FAM107B: variants seen among roughly 807,000 people sequenced by gnomAD.
The protein encoded by FAM107B is protein FAM107B.
Under a neutral mutation model 31.5 loss-of-function variants are expected in FAM107B, and 21 were observed. That is an observed-to-expected ratio of 0.67 (90% CI 0.47 to 0.96). The LOEUF (loss-of-function observed/expected upper bound fraction) is 0.96, where lower values mean the gene tolerates loss of function less well. Among genes scored for constraint, FAM107B ranks in the 40% least tolerant of loss-of-function variants. The pLI is 0.00. For synonymous variants in FAM107B, 157 were observed against 141.5 expected (o/e 1.11, Z -0.78); for missense variants, 452 against 377.1 (o/e 1.20, Z -1.64).
At chr10:14,730,362 C>T (rs138229129) in intron 1 of FAM107B, among the ~76,000 whole-genome samples, 47 of 152,108 alleles carry the variant, frequency 3.1e-4, no homozygotes, top group Non-Finnish European at 4.3e-4. Flanking sequence ...TGCCCTGACC[C>T]GACTCTTGCC....
chr10:14,727,748 G>A (rs1317041119), intron 1 of FAM107B, among the ~76,000 whole-genome samples: 1 of 152,128 alleles, frequency 6.6e-6, no homozygotes, highest in East Asian at 1.9e-4. Context: ...GGGCTTCTAG[G>A]GAAACCCACA....
chr10:14,582,608 A>T (rs1745099147), intron 2 of FAM107B, among the ~76,000 whole-genome samples: 1 of 151,144 alleles, frequency 6.6e-6, no homozygotes, highest in African/African-American at 2.4e-5. Flanking sequence ...CGATCTCCTG[A>T]CCTTGTGATC....
intron 1 of FAM107B, among the ~76,000 whole-genome samples, chr10:14,764,616 G>T (rs1433499250): frequency 6.6e-6 from 1 of 152,246 alleles, no homozygotes; most frequent in Middle Eastern, 3.4e-3. Context: ...TATTTTCTTT[G>T]GAAAGGAGGA....
At chr10:14,690,601 C>T (rs2768732) in intron 1 of FAM107B, among the ~76,000 whole-genome samples, 64,106 of 151,554 alleles carry the variant, frequency 0.42, 13,833 homozygotes, top group African/African-American at 0.51. Context: ...TACAGTTGCG[C>T]GCCACCATGC....
In FAM107B at chr10:14,774,648, C is replaced by T. The variant is rs1564300600; in HGVS notation, c.16G>A (p.Ala6Thr). 6.2e-7 allele frequency: 1 copy of T among 1,613,178 alleles called. No homozygotes were observed. Among genetic ancestry groups the T allele is most frequent in the Non-Finnish European group, 8.5e-7 (1 of 1,179,406 alleles). The change falls in exon 1 of 5, where the codon GCA becomes ACA. Residue 6 changes from alanine (A) to threonine (T), a missense_variant. Ala to Thr is a moderately conservative substitution (Grantham distance 58). Coordinates refer to ENST00000181796, the MANE Select transcript of FAM107B (RefSeq NM_031453.4). Reference sequence around the variant, plus strand: ...GACTTCAGTCTTTTGGTGAGTCTTGCTTTCCACGTGGACATGACTTGCAGT... The same window carrying T: ...GACTTCAGTCTTTTGGTGAGTCTTGTTTTCCACGTGGACATGACTTGCAGT... MSTWK[A>T]RLTKRLKSPS...
intron 1 of FAM107B, among the ~76,000 whole-genome samples, chr10:14,700,470 G>A (rs192380501): frequency 1.3e-5 from 2 of 152,002 alleles, no homozygotes; most frequent in East Asian, 1.9e-4. Flanking sequence ...TTCAGTGCTC[G>A]CATCGAATTT....
intron 2 of FAM107B, among the ~76,000 whole-genome samples, chr10:14,656,999 T>A (rs898886287): frequency 1.3e-5 from 2 of 152,174 alleles, no homozygotes; most frequent in Non-Finnish European, 2.9e-5. Flanking sequence ...GTGAGCACAA[T>A]GTCAAGGCTA....
At chr10:14,589,502 G>A (rs1194993053) in intron 2 of FAM107B, among the ~76,000 whole-genome samples, 1 of 152,154 alleles carries the variant, frequency 6.6e-6, no homozygotes, top group Admixed American at 6.5e-5. Context: ...GTCCTTGAAA[G>A]GCAATGTTTC....
chr10:14,591,913 C>A (rs1327471798), intron 2 of FAM107B, among the ~76,000 whole-genome samples: 2 of 151,834 alleles, frequency 1.3e-5, no homozygotes, highest in East Asian at 1.9e-4. Context: ...GAACAAGTGA[C>A]CTGATTCCTT....
chr10:14,604,289 G>A, intron 2 of FAM107B: 6 of 978,470 alleles, frequency 6.1e-6, no homozygotes, highest in Non-Finnish European at 7.3e-6. Flanking sequence ...CGCTCCCGGC[G>A]CCCGCGGCGG....
intron 1 of FAM107B, among the ~76,000 whole-genome samples, chr10:14,709,945 G>C (rs113904505): frequency 1.3e-5 from 2 of 152,096 alleles, no homozygotes; most frequent in South Asian, 2.1e-4. Flanking sequence ...GAATAAAACA[G>C]AGCACAGGAG....
intron 2 of FAM107B, chr10:14,556,396 G>A (rs1849702240): frequency 1.0e-6 from 1 of 985,324 alleles, no homozygotes; most frequent in African/African-American, 1.7e-5. Flanking sequence ...GCTTGACCAG[G>A]ATTCTCTGGC....
intron 2 of FAM107B, among the ~76,000 whole-genome samples, chr10:14,531,136 G>A (rs573545180): frequency 3.3e-5 from 5 of 152,164 alleles, no homozygotes; most frequent in Non-Finnish European, 5.9e-5. Flanking sequence ...CTTATGCACA[G>A]CCTCTGTGAC....
At chr10:14,663,004 A>C (rs1854287525) in intron 2 of FAM107B, among the ~76,000 whole-genome samples, 1 of 152,208 alleles carries the variant, frequency 6.6e-6, no homozygotes, top group Non-Finnish European at 1.5e-5. Flanking sequence ...AAGAGGAAAG[A>C]GTAGACTTGC....
chr10:14,686,737 G>A (rs1475157693), intron 1 of FAM107B, among the ~76,000 whole-genome samples: 1 of 152,176 alleles, frequency 6.6e-6, no homozygotes, highest in Non-Finnish European at 1.5e-5. Context: ...TGCACAAGGT[G>A]CCCAAATGAA....
In FAM107B at chr10:14,658,317, C is replaced by T. The variant is rs556936858; in HGVS notation, c.469+9317G>A. ...CCCTAAGAAAAGACTTCCTGTGACC[C>T]CACAGACTGTCCTACGGTTAAGGGA... On this transcript the variant is annotated intron_variant, in intron 2 of 4. Coordinates refer to ENST00000181796, the MANE Select transcript of FAM107B (RefSeq NM_031453.4). Among the ~76,000 whole-genome samples, 29 of 152,282 alleles carry T rather than the reference C, an allele frequency of 1.9e-4. No individual in the cohort carries two copies. In the East Asian group the frequency reaches 4.4e-3, roughly 23 times the overall value.
chr10:14,771,198 T>C (rs1242651639), intron 1 of FAM107B, among the ~76,000 whole-genome samples: 2 of 152,160 alleles, frequency 1.3e-5, no homozygotes, highest in African/African-American at 4.8e-5. Context: ...TCAGAAGATC[T>C]CAAAGCAATC....
intron 1 of FAM107B, among the ~76,000 whole-genome samples, chr10:14,707,775 A>G (rs1316328563): frequency 6.6e-6 from 1 of 152,108 alleles, no homozygotes; most frequent in African/African-American, 2.4e-5. Context: ...ATGGCTCCCA[A>G]CTCCCACTTC....
intron 2 of FAM107B, among the ~76,000 whole-genome samples, chr10:14,654,430 A>G (rs1310508998): frequency 6.6e-6 from 1 of 152,234 alleles, no homozygotes; most frequent in Admixed American, 6.5e-5. Context: ...AATGAAAGCC[A>G]TAATTCATTG....
Sources: allele counts gnomAD v4.1 joint callset (sites outside exome capture counted in the v4.1 genomes callset), GRCh38; gene constraint gnomAD v4.1.1; transcripts MANE v1.5; gene names NCBI Gene and HGNC (gene_info 2026-07-23, HGNC 2026-07-21).